KCNIP1: variants seen among roughly 807,000 people sequenced by gnomAD.
KCNIP1 encodes the protein A-type potassium channel modulatory protein KCNIP1.
A neutral mutation model predicts 33.0 loss-of-function variants in KCNIP1; 18 were observed. That is an observed-to-expected ratio of 0.55 (90% confidence interval 0.38 to 0.81). The LOEUF is 0.81. Ranked by LOEUF, KCNIP1 falls within the 30% of genes least tolerant of loss-of-function variation. The probability of loss-of-function intolerance (pLI) is 0.00; values close to 1 mark genes in which losing one functional copy is unlikely to be tolerated. For synonymous variants in KCNIP1, 93 were observed against 98.3 expected, an observed-to-expected ratio of 0.95 and a Z score of 0.32; for missense variants, 238 against 271.6, an observed-to-expected ratio of 0.88 and a Z score of 0.87.
chr5:170,659,650 G>A (rs1761399559), intron 1 of KCNIP1, among the ~76,000 whole-genome samples: 2 of 152,186 alleles, frequency 1.3e-5, no homozygotes, highest in African/African-American at 4.8e-5. Context: ...TGCAGAGGCA[G>A]TGAGGAGTTA....
chr5:170,454,883 T>G (rs1756337052), intron 1 of KCNIP1, among the ~76,000 whole-genome samples: 1 of 152,198 alleles, frequency 6.6e-6, no homozygotes, highest in African/African-American at 2.4e-5. Flanking sequence ...AAAAATATTG[T>G]TCTTAAAAAA....
intron 1 of KCNIP1, among the ~76,000 whole-genome samples, chr5:170,557,948 T>C (rs988456753): frequency 6.6e-6 from 1 of 152,128 alleles, no homozygotes; most frequent in Admixed American, 6.5e-5. Context: ...CCTTAAATAA[T>C]TGTTACTTTT....
At chr5:170,491,980 T>C (rs1757216812) in intron 1 of KCNIP1, among the ~76,000 whole-genome samples, 1 of 152,206 alleles carries the variant, frequency 6.6e-6, no homozygotes, top group Admixed American at 6.5e-5. Flanking sequence ...GTTTTCATAA[T>C]AATGTTGAGT....
At chr5:170,362,089 C>T (rs993645442) in intron 1 of KCNIP1, among the ~76,000 whole-genome samples, 5 of 152,252 alleles carry the variant, frequency 3.3e-5, no homozygotes, top group African/African-American at 1.2e-4. Flanking sequence ...ATGTGCCCAG[C>T]ATTGCCTGAG....
chr5:170,403,506 C>T (rs1028974700), intron 1 of KCNIP1, among the ~76,000 whole-genome samples: 3 of 152,190 alleles, frequency 2.0e-5, no homozygotes, highest in African/African-American at 7.2e-5. Flanking sequence ...CCACAGGTCC[C>T]CATCAGCCAT....
In KCNIP1 at chr5:170,504,655, G is replaced by C; in HGVS notation, c.61+22G>C. The C allele has an allele frequency of 6.2e-7, 1 of 1,606,214 alleles. No individual in the cohort carries two copies. The highest frequency in any genetic ancestry group is 1.3e-5 in the African/African-American group (1 of 74,932). On this transcript the variant is annotated intron_variant, in intron 1 of 7. Transcript: ENST00000328939. This position sits in a 1 kb window ranked among gnomAD's most constrained non-coding sequence, Gnocchi z 6.0. ...AAAGGTAAGCCACCTTCTTCCTTTT[G>C]TTCCCCTGTCTGGGCTTGGGGGTGC...
At chr5:170,453,985 G>A (rs1316780520) in intron 1 of KCNIP1, among the ~76,000 whole-genome samples, 3 of 152,188 alleles carry the variant, frequency 2.0e-5, no homozygotes, top group East Asian at 3.8e-4. Context: ...GAGACCTGGG[G>A]AAAAGGACAC....
chr5:170,366,471 T>C (rs1468612129), intron 1 of KCNIP1, among the ~76,000 whole-genome samples: 6 of 152,230 alleles, frequency 3.9e-5, no homozygotes, highest in Admixed American at 3.9e-4. Flanking sequence ...CTGTGCCTGC[T>C]GGCCTGTCTC....
At chr5:170,423,325 A>T (rs140070223) in intron 1 of KCNIP1, among the ~76,000 whole-genome samples, 1,923 of 151,622 alleles carry the variant, frequency 0.013, 15 homozygotes, top group South Asian at 0.035. Context: ...ACTATTTAAG[A>T]CACACAAACA....
chr5:170,374,384 G>C (rs763777175), intron 1 of KCNIP1, among the ~76,000 whole-genome samples: 10 of 152,146 alleles, frequency 6.6e-5, no homozygotes, highest in Non-Finnish European at 1.5e-4. Flanking sequence ...TGAAATTCCA[G>C]TCCTCTGAGA....
At chr5:170,484,928 GTTT>G (rs1490198143) in intron 1 of KCNIP1, among the ~76,000 whole-genome samples, 2 of 135,832 alleles carry the variant, frequency 1.5e-5, no homozygotes, top group Non-Finnish European at 3.1e-5. Flanking sequence ...TCTTTTTTTT[GTTT>G]TTTCTTTTTT....
At chr5:170,392,558 C>T (rs1450365846) in intron 1 of KCNIP1, among the ~76,000 whole-genome samples, 7 of 152,198 alleles carry the variant, frequency 4.6e-5, no homozygotes, top group Non-Finnish European at 7.3e-5. Context: ...CATGGTGGCT[C>T]ATGCCTGTAA....
chr5:170,519,143 G>A (rs965395528), intron 1 of KCNIP1, among the ~76,000 whole-genome samples: 1 of 152,190 alleles, frequency 6.6e-6, no homozygotes, highest in Non-Finnish European at 1.5e-5. Flanking sequence ...TCCGCTAATG[G>A]CAGCAGCTAT....
chr5:170,657,234 G>T (rs1233015585), intron 1 of KCNIP1, among the ~76,000 whole-genome samples: 1 of 152,092 alleles, frequency 6.6e-6, no homozygotes, highest in Non-Finnish European at 1.5e-5. Context: ...GACCTCAGGT[G>T]ATCTGAGCAC....
chr5:170,383,001 A>G (rs1764308890), intron 1 of KCNIP1: 1 of 152,272 alleles, frequency 6.6e-6, no homozygotes, highest in Non-Finnish European at 1.5e-5. Context: ...GGGAGGGGAA[A>G]AAAAAGAAAA....
intron 1 of KCNIP1, among the ~76,000 whole-genome samples, chr5:170,591,185 C>A (rs992452999): frequency 1.3e-5 from 2 of 152,186 alleles, no homozygotes; most frequent in African/African-American, 4.8e-5. Context: ...TGCGAACAAT[C>A]CAGGCTCACT....
chr5:170,507,711 C>CTT (rs1406380023), intron 1 of KCNIP1, among the ~76,000 whole-genome samples: 1 of 152,202 alleles, frequency 6.6e-6, no homozygotes, highest in Non-Finnish European at 1.5e-5. Flanking sequence ...GGCAAAAACT[C>CTT]TGCATGATTA....
At chr5:170,721,705 A>T (rs1334934687) in intron 3 of KCNIP1, 128 bp from the exon 4 acceptor site, 1 of 1,606,486 alleles carries the variant, frequency 6.2e-7, no homozygotes, top group Admixed American at 1.7e-5. Context: ...CCCACTCCAT[A>T]ATTTTCTCCT....
intron 1 of KCNIP1, among the ~76,000 whole-genome samples, chr5:170,437,948 G>A (rs973093297): frequency 2.0e-5 from 3 of 152,274 alleles, no homozygotes; most frequent in Admixed American, 6.5e-5. Context: ...CCAATCCCCC[G>A]ATTTCACACC....
Sources: allele counts gnomAD v4.1 joint callset (sites outside exome capture counted in the v4.1 genomes callset), GRCh38; gene constraint gnomAD v4.1.1; non-coding constraint Gnocchi (gnomAD v3.1); transcripts MANE v1.5; gene names NCBI Gene and HGNC (gene_info 2026-07-23, HGNC 2026-07-21).